DSE: variants seen among roughly 807,000 people sequenced by gnomAD.
DSE encodes the protein dermatan sulfate epimerase.
A neutral mutation model predicts 84.4 loss-of-function variants in DSE; 36 were observed. The observed-to-expected ratio is 0.43, with a 90% confidence interval of 0.33 to 0.56. DSE has a LOEUF of 0.56. Among genes scored for constraint, DSE ranks in the 20% least tolerant of loss-of-function variants. The pLI, the probability that DSE is intolerant of heterozygous loss-of-function variation, is 0.06. For synonymous variants in DSE, 410 were observed against 430.1 expected (o/e 0.95, Z 0.58); for missense variants, 862 against 1,169.6 (o/e 0.74, Z 3.84).
intron 2 of DSE, among the ~76,000 whole-genome samples, chr6:116,349,453 A>C (rs1332874745): frequency 6.6e-6 from 1 of 152,180 alleles, no homozygotes; most frequent in Non-Finnish European, 1.5e-5. Context: ...TCTTTTATGC[A>C]AACAAATTCA....
chr6:116,426,536 C>T (rs1412326178), intron 2 of DSE, 38 bp from the exon 3 acceptor site: 17 of 1,597,898 alleles, frequency 1.1e-5, no homozygotes, highest in Middle Eastern at 1.7e-4. Context: ...AGCTGTGAGT[C>T]TGATGAACTC....
At chr6:116,356,761 G>C (rs1256609997) in intron 2 of DSE, among the ~76,000 whole-genome samples, 1 of 152,094 alleles carries the variant, frequency 6.6e-6, no homozygotes, top group Non-Finnish European at 1.5e-5. Context: ...TCCAATGCTA[G>C]CTTCTCCCTC....
In DSE at chr6:116,435,685, T is replaced by C. The variant is rs765282219; in HGVS notation, c.1217T>C (p.Leu406Pro). The change falls in exon 6 of 6, where the codon CTA becomes CCA. Residue 406 changes from leucine (L) to proline (P), a missense_variant. Physicochemically the swap from Leu to Pro is moderately conservative, Grantham distance 98 (BLOSUM62 -3). Around this residue, in one of 4 missense-constraint regions of DSE, gnomAD observed 309 missense variants for 516.9 expected, o/e 0.60. Coordinates refer to ENST00000644252, the MANE Select transcript of DSE (RefSeq NM_013352.4). ...DWGVVTYGSALPAEINRSFLS... is the reference protein window; with the variant it reads ...DWGVVTYGSAPPAEINRSFLS... ...GGTGTCGTGACTTATGGAAGTGCACTACCTGCAGAAATCAATAGATCTTTC... is the reference window on the plus strand; with the variant it reads ...GGTGTCGTGACTTATGGAAGTGCACCACCTGCAGAAATCAATAGATCTTTC... 3 of 1,614,154 alleles carry C rather than the reference T, an allele frequency of 1.9e-6. No individual in the cohort carries two copies. Among genetic ancestry groups the C allele is most frequent in the Non-Finnish European group, 2.5e-6 (3 of 1,179,998 alleles).
At chr6:116,394,261 C>G (rs1781097981) in intron 1 of DSE, among the ~76,000 whole-genome samples, 1 of 152,140 alleles carries the variant, frequency 6.6e-6, no homozygotes, top group African/African-American at 2.4e-5. Flanking sequence ...TTGTTGGAAC[C>G]AGAATTACAG....
intron 2 of DSE, among the ~76,000 whole-genome samples, chr6:116,361,341 G>A (rs1358854843): frequency 1.3e-5 from 2 of 152,144 alleles, no homozygotes. Flanking sequence ...TTACAGGTGT[G>A]AGCCACTGCA....
upstream of DSE, chr6:116,370,784 CG>C: frequency 1.0e-6 from 1 of 971,494 alleles, no homozygotes; most frequent in Non-Finnish European, 1.2e-6. Flanking sequence ...GGTCGGGGTT[CG>C]GCCGGGGGAG....
chr6:116,365,547 G>A (rs553680407), upstream of DSE, among the ~76,000 whole-genome samples: 25 of 152,304 alleles, frequency 1.6e-4, no homozygotes, highest in Middle Eastern at 3.4e-3. Context: ...GCCACCGCAC[G>A]TGGCCGGAAG....
At chr6:116,364,082 A>G (rs1189066698) in intron 2 of DSE, among the ~76,000 whole-genome samples, 3 of 152,242 alleles carry the variant, frequency 2.0e-5, no homozygotes, top group Non-Finnish European at 4.4e-5. Context: ...GTAAAACAAA[A>G]TGGTTAGAAT....
chr6:116,369,658 A>G (rs2114907676), upstream of DSE, among the ~76,000 whole-genome samples: 1 of 152,358 alleles, frequency 6.6e-6, no homozygotes, highest in East Asian at 1.9e-4. Context: ...TCCCTAAAGC[A>G]TCAAGAAGTT....
intron 2 of DSE, among the ~76,000 whole-genome samples, chr6:116,344,392 G>A (rs1432754887): frequency 1.3e-5 from 2 of 152,204 alleles, no homozygotes; most frequent in Non-Finnish European, 1.5e-5. Context: ...GAGAAAGGTT[G>A]GGTTACCTAC....
At position 116,419,458 on chromosome 6, in the gene DSE, G is replaced by T. The variant is rs182450147; in HGVS notation, c.417-7116G>T. 6.7e-3 allele frequency among the ~76,000 whole-genome samples: 1,013 copies of T among 152,276 alleles called. 16 individuals are homozygous for T. The highest frequency in any genetic ancestry group is 0.021 in the African/African-American group (892 of 41,556). On this transcript the variant is annotated intron_variant, in intron 2 of 5. Transcript: ENST00000644252. Reference sequence around the variant, plus strand: ...AAAGGTGTTTGGTTGAAAGTTAAATGGTTTTCTATCAAGTTACTGTGTTCA... The same window carrying T: ...AAAGGTGTTTGGTTGAAAGTTAAATTGTTTTCTATCAAGTTACTGTGTTCA...
At chr6:116,325,131 A>C (rs1308233655) in intron 2 of DSE, among the ~76,000 whole-genome samples, 1 of 152,232 alleles carries the variant, frequency 6.6e-6, no homozygotes, top group Admixed American at 6.5e-5. Flanking sequence ...TGGTGGCATC[A>C]TAGGAGTCCT....
At chr6:116,389,076 G>C (rs1179465082) in intron 1 of DSE, among the ~76,000 whole-genome samples, 3 of 152,152 alleles carry the variant, frequency 2.0e-5, no homozygotes, top group Non-Finnish European at 4.4e-5. Flanking sequence ...CTGGGGTCAT[G>C]GTGCACTTCC....
intron 1 of DSE, chr6:116,258,324 C>A (rs542654974): frequency 2.4e-5 from 12 of 507,398 alleles, no homozygotes; most frequent in African/African-American, 1.9e-4. Context: ...CCAGATATTT[C>A]TTTTTATAAC....
At chr6:116,431,222 CATT>C (rs781085044) in intron 4 of DSE, 29 bp downstream of exon 4, 1 of 1,608,168 alleles carries the variant, frequency 6.2e-7, no homozygotes, top group Admixed American at 1.7e-5. Flanking sequence ...AGTGTGAAAA[CATT>C]AAACTATTGT....
intron 2 of DSE, among the ~76,000 whole-genome samples, chr6:116,425,031 A>T (rs1783337793): frequency 6.6e-6 from 1 of 152,242 alleles, no homozygotes. Flanking sequence ...ACAAAGTTAC[A>T]GGTAGGTATC....
intron 1 of DSE, among the ~76,000 whole-genome samples, chr6:116,384,294 T>C (rs560126697): frequency 6.6e-6 from 1 of 152,272 alleles, no homozygotes; most frequent in East Asian, 1.9e-4. Flanking sequence ...AATTTTGAGA[T>C]GGCATTTAGA....
intron 1 of DSE, among the ~76,000 whole-genome samples, chr6:116,397,403 C>T (rs1278786750): frequency 2.6e-5 from 4 of 151,788 alleles, no homozygotes; most frequent in Admixed American, 1.3e-4. Flanking sequence ...GATGGGGTTT[C>T]GCCATTTTGG....
intron 1 of DSE, among the ~76,000 whole-genome samples, chr6:116,375,089 A>G (rs1779838898): frequency 6.6e-6 from 1 of 152,224 alleles, no homozygotes; most frequent in African/African-American, 2.4e-5. Flanking sequence ...TTGGTGCCCA[A>G]CATGGCAATG....
Sources: allele counts gnomAD v4.1 joint callset (sites outside exome capture counted in the v4.1 genomes callset), GRCh38; gene constraint gnomAD v4.1.1; regional missense constraint gnomAD v4.1.1; transcripts MANE v1.5; gene names NCBI Gene and HGNC (gene_info 2026-07-23, HGNC 2026-07-21).